Variants in ZBTB20 observed in about 807,000 individuals in gnomAD.
ZBTB20 encodes the protein zinc finger and BTB domain-containing protein 20.
A neutral mutation model predicts 56.9 loss-of-function variants in ZBTB20; 9 were observed. That is an observed-to-expected ratio of 0.16 (90% CI 0.10 to 0.28). ZBTB20 has a LOEUF of 0.28. ZBTB20 is among the 10% of genes least tolerant of loss of function. ZBTB20 has a pLI of 1.00. For synonymous variants in ZBTB20, 417 were observed against 420.7 expected (o/e 0.99, Z 0.11); for missense variants, 655 against 1,003.0 (o/e 0.65, Z 4.69).
At chr3:114,788,277 T>G (rs2070701692) in intron 5 of ZBTB20, among the ~76,000 whole-genome samples, 1 of 152,166 alleles carries the variant, frequency 6.6e-6, no homozygotes, top group South Asian at 2.1e-4. Flanking sequence ...CACACTGTTA[T>G]GCAAGTATCA....
chr3:114,351,572 T>C lies in ZBTB20; in HGVS notation c.506A>G (p.Glu169Gly). The change falls in exon 11 of 12, where the codon GAA (glutamate) becomes GGA (glycine). Residue 169 changes from glutamate to glycine, a missense_variant. By Grantham distance (98) the Glu-to-Gly change is moderately conservative (BLOSUM62 -2). Around this residue, in one of 10 missense-constraint regions of ZBTB20, gnomAD observed 167 missense variants for 281.9 expected, o/e 0.59. Transcript: ENST00000675478. ...YSGVLRVSQS[E>G]ALQILTAASI... ...GGCGGCCGTGAGGATCTGCAGAGCTTCCGACTGCGAGACCCGTAGCACGCC... is the reference window on the plus strand; with the variant it reads ...GGCGGCCGTGAGGATCTGCAGAGCTCCCGACTGCGAGACCCGTAGCACGCC... The C allele has an allele frequency of 6.2e-7, 1 of 1,614,092 alleles. No individual in the cohort carries two copies. Among genetic ancestry groups the C allele is most frequent in the Non-Finnish European group, 8.5e-7 (1 of 1,180,016 alleles).
chr3:114,611,629 G>T (rs575661775), intron 6 of ZBTB20, among the ~76,000 whole-genome samples: 2 of 152,134 alleles, frequency 1.3e-5, no homozygotes, highest in African/African-American at 4.8e-5. Flanking sequence ...TCCTAGGTTG[G>T]ACTAGGATTG....
Position 114,718,135 on chromosome 3 carries a change from C to T in ZBTB20, c.-342-24560G>A, listed in dbSNP as rs111948146. Among the ~76,000 whole-genome samples the T allele has an allele frequency of 5.8e-4, 88 of 152,140 alleles. 1 individual carries two copies. Among genetic ancestry groups the T allele is most frequent in the African/African-American group, 2.1e-3 (86 of 41,526 alleles). On this transcript the variant is annotated intron_variant, in intron 5 of 11. Transcript: ENST00000675478. ...GCTTGAAGCTTTTTTATTCCACATA[C>T]CTCATGGCAAAATTTATGAACTACT...
chr3:115,137,279 T>C (rs1425480513), intron 1 of ZBTB20, among the ~76,000 whole-genome samples: 2 of 152,090 alleles, frequency 1.3e-5, no homozygotes, highest in African/African-American at 2.4e-5. Context: ...ACATTATCTT[T>C]TGAAAACTTT....
chr3:114,926,049 A>G (rs2076145841), intron 3 of ZBTB20, among the ~76,000 whole-genome samples: 1 of 152,226 alleles, frequency 6.6e-6, no homozygotes, highest in Admixed American at 6.5e-5. Context: ...GGGGTCAGAC[A>G]AAGACTTAAG....
chr3:114,797,353 A>C (rs138090524), intron 5 of ZBTB20, among the ~76,000 whole-genome samples: 1 of 151,870 alleles, frequency 6.6e-6, no homozygotes, highest in African/African-American at 2.4e-5. Context: ...TTCCTCCTCT[A>C]GTCACTGTCC....
intron 2 of ZBTB20, among the ~76,000 whole-genome samples, chr3:115,065,657 A>G (rs1281038268): frequency 6.6e-6 from 1 of 152,208 alleles, no homozygotes; most frequent in African/African-American, 2.4e-5. Flanking sequence ...TAATCATGCT[A>G]TTCACAGGGT....
intron 7 of ZBTB20, among the ~76,000 whole-genome samples, chr3:114,429,872 T>A (rs962140388): frequency 6.6e-5 from 10 of 152,120 alleles, no homozygotes; most frequent in Non-Finnish European, 7.4e-5. Context: ...TATATGCAAA[T>A]ACTATCCCAT....
At chr3:114,852,017 CTG>C (rs1259818713) in intron 4 of ZBTB20, among the ~76,000 whole-genome samples, 9 of 151,932 alleles carry the variant, frequency 5.9e-5, no homozygotes, top group Non-Finnish European at 1.3e-4. Context: ...CATGTAAAAA[CTG>C]TTTTTTAAAT....
At chr3:114,796,266 G>GA (rs1437005138) in intron 5 of ZBTB20, among the ~76,000 whole-genome samples, 3 of 151,904 alleles carry the variant, frequency 2.0e-5, no homozygotes, top group Admixed American at 6.6e-5. Flanking sequence ...ATTTGCATAT[G>GA]AAAAAATTGA....
At chr3:114,513,018 T>G (rs1559893446) in intron 6 of ZBTB20, among the ~76,000 whole-genome samples, 2 of 152,188 alleles carry the variant, frequency 1.3e-5, no homozygotes, top group Non-Finnish European at 2.9e-5. Flanking sequence ...CCACTATATT[T>G]TGGTATTTTC....
At chr3:114,900,245 A>T (rs1469770835) in intron 4 of ZBTB20, 59 bp downstream of exon 4, 1 of 152,152 alleles carries the variant, frequency 6.6e-6, no homozygotes, top group Non-Finnish European at 1.5e-5. Context: ...ACATAAAAAT[A>T]TTATAACTTG....
At chr3:114,599,683 C>G (rs2056608119) in intron 6 of ZBTB20, among the ~76,000 whole-genome samples, 1 of 151,914 alleles carries the variant, frequency 6.6e-6, no homozygotes, top group African/African-American at 2.4e-5. Context: ...GCATTTAATT[C>G]CAAAAATACC....
At chr3:114,541,106 C>A (rs1370389330) in intron 6 of ZBTB20, among the ~76,000 whole-genome samples, 1 of 152,056 alleles carries the variant, frequency 6.6e-6, no homozygotes, top group Non-Finnish European at 1.5e-5. Context: ...AGATTTACTT[C>A]TTGTCCAGGT....
intron 2 of ZBTB20, among the ~76,000 whole-genome samples, chr3:114,997,880 G>C (rs958769826): frequency 6.7e-6 from 1 of 150,092 alleles, no homozygotes; most frequent in Non-Finnish European, 1.5e-5. Context: ...TTTTTGACTA[G>C]ATGATAATGT....
intron 6 of ZBTB20, among the ~76,000 whole-genome samples, chr3:114,638,546 C>G (rs1181258218): frequency 3.3e-5 from 5 of 151,974 alleles, no homozygotes; most frequent in African/African-American, 1.2e-4. Context: ...ACTGTTCTTC[C>G]TAACTAGATA....
chr3:114,462,697 C>A (rs1188248560), intron 7 of ZBTB20, among the ~76,000 whole-genome samples: 1 of 152,130 alleles, frequency 6.6e-6, no homozygotes, highest in Non-Finnish European at 1.5e-5. Context: ...CAAGTCCAAA[C>A]TCTTAGTAGG....
intron 2 of ZBTB20, among the ~76,000 whole-genome samples, chr3:115,064,867 T>C (rs919224546): frequency 1.3e-5 from 2 of 152,212 alleles, no homozygotes; most frequent in African/African-American, 4.8e-5. Flanking sequence ...TCGGGAACTT[T>C]CTATTATCAT....
rs192445861 is a variant in ZBTB20, at chr3:114,326,686, T to C, written c.*12319A>G. On this transcript the variant is annotated 3_prime_UTR_variant, in exon 12 of 12. Coordinates refer to ENST00000675478, the MANE Select transcript of ZBTB20 (RefSeq NM_001348800.3). ...ATACACATTCCTCCAGTTTCAGATT[T>C]CTAAAAAGTAATAATTATGCTTAAA... 1.4e-4 allele frequency: 21 copies of C among 152,310 alleles called. No homozygotes were observed. Among genetic ancestry groups the C allele is most frequent in the Admixed American group, 5.9e-4 (9 of 15,290 alleles). The allele number at this position is 152,310 out of a possible 1,614,324, so 9.4% of individuals were successfully genotyped here.
Sources: gnomAD v4.1 joint callset for allele counts (sites outside exome capture counted in the v4.1 genomes callset) on GRCh38, gnomAD v4.1.1 for gene constraint, gnomAD v4.1.1 regional missense constraint, MANE v1.5 for transcripts, NCBI Gene and HGNC (gene_info 2026-07-23, HGNC 2026-07-21) for gene names.